The following SLC8A1 variants were observed in gnomAD, a reference collection of about 807,000 sequenced individuals.
The protein encoded by SLC8A1 is solute carrier family 8 member A1, also known as sodium/calcium exchanger 1.
A neutral mutation model predicts 68.3 loss-of-function variants in SLC8A1; 18 were observed. The ratio of observed to expected loss-of-function variants is 0.26; its 90% CI spans 0.18 to 0.39. SLC8A1 has a LOEUF of 0.39. SLC8A1 is among the 10% of genes least tolerant of loss of function. SLC8A1 has a pLI of 1.00. For synonymous variants in SLC8A1, 475 were observed against 415.5 expected (o/e 1.14, Z -1.74); for missense variants, 985 against 1,156.7 (o/e 0.85, Z 2.15).
intron 2 of SLC8A1, among the ~76,000 whole-genome samples, chr2:40,416,054 TAAAAAAAAAAAA>T (rs779668065): frequency 8.6e-6 from 1 of 116,248 alleles, no homozygotes; most frequent in Non-Finnish European, 1.8e-5. Flanking sequence ...GGCTCTGTTT[TAAAAAAAAAAAA>T]AAAAAAAAAG....
At chr2:40,200,268 A>ATAAAT (rs1244614805) in intron 2 of SLC8A1, among the ~76,000 whole-genome samples, 1 of 92,986 alleles carries the variant, frequency 1.1e-5, no homozygotes, top group Non-Finnish European at 2.0e-5. Flanking sequence ...ATATATATAT[A>ATAAAT]ACCTCTTTTA....
chr2:40,337,309 T>C, intron 2 of SLC8A1: 1 of 352,334 alleles, frequency 2.8e-6, no homozygotes, highest in South Asian at 2.1e-5. Flanking sequence ...TGCATCATCA[T>C]AAACAGTGAT....
At chr2:40,255,983 G>C (rs1179379992) in intron 2 of SLC8A1, among the ~76,000 whole-genome samples, 2 of 152,204 alleles carry the variant, frequency 1.3e-5, no homozygotes, top group African/African-American at 4.8e-5. Context: ...AGAGGTGTCA[G>C]TCTGCAAACT....
intron 6 of SLC8A1, among the ~76,000 whole-genome samples, chr2:40,151,198 G>A (rs1392921928): frequency 6.6e-6 from 1 of 152,130 alleles, no homozygotes; most frequent in African/African-American, 2.4e-5. Context: ...TCCATGTCAA[G>A]TGATATGAAG....
At chr2:40,179,335 A>T (rs1178927163) in intron 2 of SLC8A1, among the ~76,000 whole-genome samples, 1 of 152,230 alleles carries the variant, frequency 6.6e-6, no homozygotes, top group Non-Finnish European at 1.5e-5. Context: ...TTTTGATTAG[A>T]ATTCTTCCTG....
At chr2:40,453,459 TCA>T (rs1282446017), upstream of SLC8A1, 1 of 152,100 alleles carries the variant, frequency 6.6e-6, no homozygotes, top group Non-Finnish European at 1.5e-5. Flanking sequence ...TCCAGGAACC[TCA>T]GTTTGCCTCC....
intron 1 of SLC8A1, among the ~76,000 whole-genome samples, chr2:40,472,490 G>A (rs998707394): frequency 1.3e-5 from 2 of 152,058 alleles, no homozygotes; most frequent in African/African-American, 4.8e-5. Context: ...CTGTTTCATA[G>A]ATGAAACAAA....
chr2:40,203,564 T>G (rs1408652983), intron 2 of SLC8A1, among the ~76,000 whole-genome samples: 1 of 152,032 alleles, frequency 6.6e-6, no homozygotes, highest in Admixed American at 6.6e-5. Context: ...AATGCAAGAA[T>G]AGCTTAGAGG....
At chr2:40,302,835 G>T (rs557241852) in intron 2 of SLC8A1, among the ~76,000 whole-genome samples, 2 of 152,152 alleles carry the variant, frequency 1.3e-5, no homozygotes, top group African/African-American at 4.8e-5. Flanking sequence ...CACAGTGGTT[G>T]TACTCATACA....
chr2:40,249,180 T>C (rs1239237636), intron 2 of SLC8A1, among the ~76,000 whole-genome samples: 1 of 152,150 alleles, frequency 6.6e-6, no homozygotes, highest in Admixed American at 6.5e-5. Context: ...GAACAAAAAA[T>C]GTTTGATGTT....
intron 4 of SLC8A1, 64 bp downstream of exon 6, chr2:40,174,642 G>A: frequency 7.4e-7 from 1 of 1,357,936 alleles, no homozygotes; most frequent in Non-Finnish European, 1.0e-6. Flanking sequence ...ATAAGATGTA[G>A]GTTTGGATTG....
At chr2:40,174,962 A>C in intron 3 of SLC8A1, 120 bp from the exon 5 acceptor site, 1 of 916,596 alleles carries the variant, frequency 1.1e-6, no homozygotes, top group Non-Finnish European at 1.7e-6. Context: ...TTTACAATTA[A>C]GAAGACTAGG....
intron 1 of SLC8A1, among the ~76,000 whole-genome samples, chr2:40,435,765 C>T (rs1201639922): frequency 6.6e-6 from 1 of 151,820 alleles, no homozygotes; most frequent in East Asian, 1.9e-4. Flanking sequence ...TTCGAGATAG[C>T]ACTTATTACT....
upstream of SLC8A1, chr2:40,453,145 T>A (rs1702754915): frequency 6.6e-6 from 1 of 152,194 alleles, no homozygotes; most frequent in Non-Finnish European, 1.5e-5. Context: ...CAAACCTGGC[T>A]GCGCATCACA....
At chr2:40,440,695 A>G (rs1205628563) in intron 1 of SLC8A1, among the ~76,000 whole-genome samples, 1 of 152,218 alleles carries the variant, frequency 6.6e-6, no homozygotes, top group Non-Finnish European at 1.5e-5. Flanking sequence ...GATTATCTCA[A>G]TAGACGCAGA....
rs1052803853 is a variant in SLC8A1, at chr2:40,336,802, T to C, written c.1808+91671A>G. ...AATAATAAAGTCCATGGTAATATTATAGACTGTGGTGTCAGAGATGTCACA... is the reference window on the plus strand; with the variant it reads ...AATAATAAAGTCCATGGTAATATTACAGACTGTGGTGTCAGAGATGTCACA... On this transcript the variant is annotated intron_variant, in intron 2 of 7. Coordinates refer to ENST00000406785, the Ensembl canonical transcript of SLC8A1. Among the ~76,000 whole-genome samples the C allele has an allele frequency of 3.9e-5, 6 of 152,170 alleles. 1 individual carries two copies. Among genetic ancestry groups the C allele is most frequent in the Admixed American group, 1.3e-4 (2 of 15,268 alleles).
At chr2:40,385,187 T>A (rs1683159217) in intron 2 of SLC8A1, among the ~76,000 whole-genome samples, 1 of 152,018 alleles carries the variant, frequency 6.6e-6, no homozygotes, top group Non-Finnish European at 1.5e-5. Context: ...AGCGAGTATG[T>A]TCTTAACTGT....
intron 2 of SLC8A1, among the ~76,000 whole-genome samples, chr2:40,307,310 A>G (rs919743878): frequency 7.2e-5 from 11 of 152,174 alleles, no homozygotes; most frequent in South Asian, 2.1e-4. Flanking sequence ...AAAGGCAAGT[A>G]TGATTGCATG....
At position 40,200,248 on chromosome 2, in the gene SLC8A1, AT is replaced by A. The variant is rs1286419775; in HGVS notation, c.1809-22394del. ...TTTATATATATATATAAATATATATATATATATATATATATATATAACCTCT... is the reference window on the plus strand; with the variant it reads ...TTTATATATATATATAAATATATATAATATATATATATATATATAACCTCT... On this transcript the variant is annotated intron_variant, in intron 2 of 7. Coordinates refer to ENST00000406785, the Ensembl canonical transcript of SLC8A1. Among the ~76,000 whole-genome samples the A allele has an allele frequency of 7.8e-4, 15 of 19,312 alleles. 2 individuals are homozygous for A. The highest frequency in any genetic ancestry group is 3.5e-3 in the South Asian group (2 of 570). 12.7% of individuals were successfully genotyped at this position (19,312 alleles called of 152,430 possible).
Sources: gnomAD v4.1 joint callset for allele counts (sites outside exome capture counted in the v4.1 genomes callset) on GRCh38, gnomAD v4.1.1 for gene constraint, MANE v1.5 for transcripts, NCBI Gene and HGNC (gene_info 2026-07-23, HGNC 2026-07-21) for gene names.